PCDH15: variants seen among roughly 807,000 people sequenced by gnomAD.
The protein encoded by PCDH15 is protocadherin related 15, also known as protocadherin-15.
A neutral mutation model predicts 178.5 loss-of-function variants in PCDH15; 129 were observed. The observed-to-expected ratio is 0.72, with a 90% confidence interval of 0.63 to 0.84. PCDH15 has a LOEUF of 0.84. PCDH15 is among the 40% of genes least tolerant of loss of function. PCDH15 has a pLI of 0.00. For synonymous variants in PCDH15, 800 were observed against 732.0 expected, an observed-to-expected ratio of 1.09 and a Z score of -1.50; for missense variants, 2,230 against 2,099.9, an observed-to-expected ratio of 1.06 and a Z score of -1.21.
chr10:54,052,859 A>G (rs1449314222), intron 18 of PCDH15, among the ~76,000 whole-genome samples: 1 of 151,974 alleles, frequency 6.6e-6, no homozygotes, highest in East Asian at 1.9e-4. Context: ...CATGAGGGCA[A>G]TTACCTCCAT....
At chr10:53,896,068 A>G (rs1227007757) in intron 26 of PCDH15, among the ~76,000 whole-genome samples, 1 of 152,106 alleles carries the variant, frequency 6.6e-6, no homozygotes, top group African/African-American at 2.4e-5. Context: ...GCATAAATCA[A>G]TGTTTAAATT....
At chr10:54,888,179 T>A (rs1475106318) in intron 3 of PCDH15, among the ~76,000 whole-genome samples, 1 of 152,134 alleles carries the variant, frequency 6.6e-6, no homozygotes, top group Non-Finnish European at 1.5e-5. Context: ...CTGTTAAACC[T>A]TTTCCTTCTC....
At chr10:54,228,027 T>G (rs2134269357) in intron 9 of PCDH15, among the ~76,000 whole-genome samples, 1 of 152,304 alleles carries the variant, frequency 6.6e-6, no homozygotes, top group Non-Finnish European at 1.5e-5. Flanking sequence ...CGCATCTTCC[T>G]ATCTTCTACA....
At chr10:54,828,650 T>G (rs1953171818) in intron 3 of PCDH15, among the ~76,000 whole-genome samples, 1 of 152,072 alleles carries the variant, frequency 6.6e-6, no homozygotes, top group South Asian at 2.1e-4. Context: ...ATTACTTTCA[T>G]GAATTCACTA....
intron 1 of PCDH15, among the ~76,000 whole-genome samples, chr10:55,236,729 A>G (rs1176348670): frequency 1.3e-5 from 2 of 152,056 alleles, no homozygotes; most frequent in Non-Finnish European, 2.9e-5. Flanking sequence ...AATCAAAACT[A>G]TACATATGAT....
At chr10:54,468,128 TG>T (rs1404138604) in intron 3 of PCDH15, among the ~76,000 whole-genome samples, 2 of 151,998 alleles carry the variant, frequency 1.3e-5, no homozygotes, top group African/African-American at 4.8e-5. Flanking sequence ...GTTGACCCTT[TG>T]TATTATTATT....
At chr10:55,471,955 C>T (rs761328403) in intron 2 of PCDH15, among the ~76,000 whole-genome samples, 1 of 152,158 alleles carries the variant, frequency 6.6e-6, no homozygotes, top group African/African-American at 2.4e-5. Flanking sequence ...TGACTCACGG[C>T]CAATATGGAA....
chr10:54,668,701 A>T (rs1025333202), intron 1 of PCDH15, among the ~76,000 whole-genome samples: 2 of 152,204 alleles, frequency 1.3e-5, no homozygotes, highest in Non-Finnish European at 2.9e-5. Flanking sequence ...TCTCTTAAAT[A>T]CAATTTTGAC....
chr10:53,960,070 C>T (rs1232364276), intron 22 of PCDH15, among the ~76,000 whole-genome samples: 1 of 151,976 alleles, frequency 6.6e-6, no homozygotes, highest in African/African-American at 2.4e-5. Context: ...TTTTCACTTG[C>T]TAGATGAGAA....
intron 2 of PCDH15, among the ~76,000 whole-genome samples, chr10:54,643,632 C>A (rs955889568): frequency 2.0e-5 from 3 of 151,880 alleles, no homozygotes; most frequent in Non-Finnish European, 4.4e-5. Flanking sequence ...AAAATACATA[C>A]TTTTGTTCTC....
chr10:55,325,285 A>G (rs779109759), intron 2 of PCDH15, among the ~76,000 whole-genome samples: 10 of 152,148 alleles, frequency 6.6e-5, no homozygotes, highest in Non-Finnish European at 1.2e-4. Flanking sequence ...CAAAAATAAC[A>G]AAGCCTGAGA....
At chr10:55,423,428 A>G (rs968787522) in intron 2 of PCDH15, among the ~76,000 whole-genome samples, 7 of 152,012 alleles carry the variant, frequency 4.6e-5, no homozygotes, top group African/African-American at 1.7e-4. Context: ...TATGTACTAT[A>G]TACATATAAA....
At chr10:55,604,709 C>T (rs1289539801) in intron 2 of PCDH15, among the ~76,000 whole-genome samples, 3 of 142,512 alleles carry the variant, frequency 2.1e-5, no homozygotes, top group Non-Finnish European at 4.6e-5. Flanking sequence ...AGAACAAAGA[C>T]ACAACATACC....
At chr10:55,574,583 G>A (rs1006350478) in intron 2 of PCDH15, among the ~76,000 whole-genome samples, 1 of 151,938 alleles carries the variant, frequency 6.6e-6, no homozygotes, top group Non-Finnish European at 1.5e-5. Flanking sequence ...TCTACTAGTG[G>A]ACAGCAAATA....
intron 3 of PCDH15, among the ~76,000 whole-genome samples, chr10:54,867,732 T>C (rs1953965363): frequency 6.6e-6 from 1 of 152,072 alleles, no homozygotes; most frequent in Non-Finnish European, 1.5e-5. Context: ...CCAAACATAC[T>C]AGACTGAAAA....
chr10:54,035,250 G>A (rs72794963), intron 18 of PCDH15, among the ~76,000 whole-genome samples: 26,923 of 151,758 alleles, frequency 0.18, 2,893 homozygotes, highest in Non-Finnish European at 0.25. Context: ...TTCATTGCAC[G>A]TGGCTTTATT....
At chr10:54,093,551 G>A (rs1245637644) in intron 15 of PCDH15, among the ~76,000 whole-genome samples, 1 of 152,060 alleles carries the variant, frequency 6.6e-6, no homozygotes, top group Non-Finnish European at 1.5e-5. Context: ...TACCCTTCAA[G>A]TATTAGGATT....
intron 2 of PCDH15, among the ~76,000 whole-genome samples, chr10:54,966,440 T>C (rs1219530): frequency 0.32 from 47,926 of 152,036 alleles, 8,292 homozygotes; most frequent in Non-Finnish European, 0.4. Context: ...AGATGGTATA[T>C]CCTACTGCAT....
intron 3 of PCDH15, among the ~76,000 whole-genome samples, chr10:54,397,970 A>G (rs1403183255): frequency 6.6e-6 from 1 of 151,966 alleles, no homozygotes; most frequent in East Asian, 1.9e-4. Context: ...TAGTAAATCA[A>G]TTTGGTTCAC....
Sources: allele counts gnomAD v4.1 joint callset (sites outside exome capture counted in the v4.1 genomes callset), GRCh38; gene constraint gnomAD v4.1.1; transcripts MANE v1.5; gene names NCBI Gene and HGNC (gene_info 2026-07-23, HGNC 2026-07-21).